SGPP1: variants seen among roughly 807,000 people sequenced by gnomAD.
The protein encoded by SGPP1 is hSPP1.
A neutral mutation model predicts 33.0 loss-of-function variants in SGPP1; 21 were observed. The observed-to-expected ratio is 0.64, with a 90% CI of 0.45 to 0.92. The LOEUF (loss-of-function observed/expected upper bound fraction) is 0.92, where lower values mean the gene tolerates loss of function less well. SGPP1 is among the 40% of genes least tolerant of loss of function. SGPP1 has a pLI of 0.00. For missense variants in SGPP1, 543 were observed against 589.4 expected, an observed-to-expected ratio of 0.92 and a Z score of 0.81; for synonymous variants, 239 against 241.2, an observed-to-expected ratio of 0.99 and a Z score of 0.08.
chr14:63,713,345 C>T (rs1885561076), intron 1 of SGPP1, among the ~76,000 whole-genome samples: 1 of 152,126 alleles, frequency 6.6e-6, no homozygotes, highest in African/African-American at 2.4e-5. Flanking sequence ...TCCAATTAGT[C>T]ACCATGTTTT....
At position 63,698,436 on chromosome 14, in the gene SGPP1, G is replaced by A. The variant is rs149391340; in HGVS notation, c.774+133C>T. The A allele has an allele frequency of 8.5e-5, 39 of 458,316 alleles. 1 individual carries two copies. Among genetic ancestry groups the A allele is most frequent in the East Asian group, 2.5e-4 (7 of 27,672 alleles). 28.4% of individuals were successfully genotyped at this position (458,316 alleles called of 1,614,324 possible). A position where few individuals can be genotyped will look rare whatever the true frequency, so the allele number is the denominator to read the frequency against. ...CATAAACCATCATGTTGATATTTTCGCAAAACAAAGTTAGACGACTTACAA... is the reference window on the plus strand; with the variant it reads ...CATAAACCATCATGTTGATATTTTCACAAAACAAAGTTAGACGACTTACAA... On this transcript the variant is annotated intron_variant, in intron 2 of 2. Coordinates refer to ENST00000247225, the MANE Select transcript of SGPP1 (RefSeq NM_030791.4).
At chr14:63,694,315 G>T (rs910411421) in intron 2 of SGPP1, among the ~76,000 whole-genome samples, 2 of 151,766 alleles carry the variant, frequency 1.3e-5, no homozygotes, top group Non-Finnish European at 2.9e-5. Flanking sequence ...TTCATTAAAT[G>T]TCTTTAAATT....
At chr14:63,726,016 T>C (rs1842462623) in intron 1 of SGPP1, among the ~76,000 whole-genome samples, 1 of 152,202 alleles carries the variant, frequency 6.6e-6, no homozygotes, top group Admixed American at 6.6e-5. Flanking sequence ...TATAGCTCCT[T>C]TGGTTAAACA....
Position 63,696,712 on chromosome 14 carries a change from G to A in SGPP1, c.774+1857C>T, listed in dbSNP as rs149740138. Among the ~76,000 whole-genome samples, 1,354 of 152,156 alleles carry A rather than the reference G, an allele frequency of 8.9e-3. 6 individuals carry two copies. The highest frequency in any genetic ancestry group is 0.016 in the African/African-American group (670 of 41,516). The stretch of plus-strand genomic sequence containing the variant: ...ATTAAAATAGTGTTTAGGGCTGGGC[G>A]CAGTGGCTCACATCTGTAATCCCAG... On this transcript the variant is annotated intron_variant, in intron 2 of 2. Coordinates refer to ENST00000247225, the MANE Select transcript of SGPP1 (RefSeq NM_030791.4).
chr14:63,714,696 C>T (rs1308015217), intron 1 of SGPP1, among the ~76,000 whole-genome samples: 1 of 151,912 alleles, frequency 6.6e-6, no homozygotes, highest in Non-Finnish European at 1.5e-5. Context: ...GCTGGGATTA[C>T]AGGCATGTGC....
chr14:63,717,451 A>C (rs1378694017), intron 1 of SGPP1, among the ~76,000 whole-genome samples: 1 of 151,914 alleles, frequency 6.6e-6, no homozygotes, highest in Non-Finnish European at 1.5e-5. Flanking sequence ...CCTCCCGAGT[A>C]GCTGGGACTA....
At chr14:63,722,594 A>ATAT (rs59984832) in intron 1 of SGPP1, among the ~76,000 whole-genome samples, 14,019 of 151,200 alleles carry the variant, frequency 0.093, 1,431 homozygotes, top group African/African-American at 0.26. Context: ...ATAAAATATA[A>ATAT]TTATTATAAT....
intron 1 of SGPP1, among the ~76,000 whole-genome samples, chr14:63,714,014 T>C (rs140527280): frequency 0.012 from 1,822 of 152,328 alleles, 20 homozygotes; most frequent in Non-Finnish European, 0.022. Context: ...CTTTGGGAGA[T>C]GGGACAGACT....
intron 2 of SGPP1, among the ~76,000 whole-genome samples, chr14:63,688,168 T>C (rs1253824524): frequency 6.6e-6 from 1 of 150,844 alleles, no homozygotes; most frequent in Non-Finnish European, 1.5e-5. Flanking sequence ...ATACAAAAAT[T>C]AGCCGGGCAT....
chr14:63,690,604 C>G (rs1470177025), intron 2 of SGPP1, among the ~76,000 whole-genome samples: 1 of 152,184 alleles, frequency 6.6e-6, no homozygotes, highest in Non-Finnish European at 1.5e-5. Context: ...ATAAACAAAT[C>G]CTTCACATGA....
intron 1 of SGPP1, among the ~76,000 whole-genome samples, 155 bp from the exon 2 acceptor site, chr14:63,698,813 T>C (rs1016776718): frequency 1.4e-4 from 21 of 152,238 alleles, no homozygotes; most frequent in African/African-American, 4.3e-4. Context: ...ACCCTGAGTA[T>C]GGCACATGGC....
chr14:63,690,888 T>C (rs1011558767), intron 2 of SGPP1, among the ~76,000 whole-genome samples: 2 of 152,118 alleles, frequency 1.3e-5, no homozygotes, highest in Non-Finnish European at 2.9e-5. Context: ...CTAATTTTTG[T>C]ATTTTTAGTA....
chr14:63,698,648 A>G lies in SGPP1; in HGVS notation c.695T>C (p.Ile232Thr). The G allele has an allele frequency of 1.3e-6, 2 of 1,581,874 alleles. No individual in the cohort carries two copies. Among genetic ancestry groups the G allele is most frequent in the Non-Finnish European group, 1.7e-6 (2 of 1,165,330 alleles). Residue 232 changes from isoleucine (I) to threonine (T), a missense_variant, in exon 2 of 3, where the codon ATA (isoleucine) becomes ACA (threonine). Ile to Thr is a moderately conservative substitution (Grantham distance 89). Coordinates refer to ENST00000247225, the MANE Select transcript of SGPP1 (RefSeq NM_030791.4). ...LTYGRWQYPL[I>T]YGLILIPCWC... ...GCAGGGAATAAGAATCAGTCCATAT[A>G]TAAGAGGGTACTAAAGGGGAAAAAA... is the stretch of plus-strand genomic sequence containing the variant.
At chr14:63,710,650 G>T (rs1885503628) in intron 1 of SGPP1, among the ~76,000 whole-genome samples, 1 of 152,058 alleles carries the variant, frequency 6.6e-6, no homozygotes, top group Non-Finnish European at 1.5e-5. Flanking sequence ...TTTTTCTACA[G>T]ACCAGCTTCT....
At chr14:63,719,248 G>A (rs189308948) in intron 1 of SGPP1, among the ~76,000 whole-genome samples, 50 of 150,124 alleles carry the variant, frequency 3.3e-4, no homozygotes, top group African/African-American at 9.3e-4. Flanking sequence ...CGGCTGATCC[G>A]CCCACCTCAG....
Position 63,694,339 on chromosome 14 carries a change from T to G in SGPP1, c.774+4230A>C, listed in dbSNP as rs150323331. Among the ~76,000 whole-genome samples the G allele has an allele frequency of 1.2e-3, 188 of 152,226 alleles. 2 individuals are homozygous for G. The highest frequency in any genetic ancestry group is 8.7e-3 in the East Asian group (45 of 5,194). ...TGTCTTTAAATTGTTATGTTTGATCTCTTTAACATTAAGAATTCTTTAAAA... is the reference window on the plus strand; with the variant it reads ...TGTCTTTAAATTGTTATGTTTGATCGCTTTAACATTAAGAATTCTTTAAAA... On this transcript the variant is annotated intron_variant, in intron 2 of 2. Coordinates refer to ENST00000247225, the MANE Select transcript of SGPP1 (RefSeq NM_030791.4).
Position 63,727,589 on chromosome 14 carries a change from T to G in SGPP1, c.356A>C (p.Gln119Pro), listed in dbSNP as rs750061311. 8 of 1,579,784 alleles carry G rather than the reference T, an allele frequency of 5.1e-6. No individual in the cohort carries two copies. The highest frequency in any genetic ancestry group is 6.9e-6 in the Non-Finnish European group (8 of 1,165,724). The part of the protein sequence containing the change: ...RRNSLTGEEG[Q>P]LARVSNWPLY... ...CGGCCAGTTGCTCACGCGGGCCAGCTGGCCCTCCTCGCCCGTCAGCGAGTT... is the reference window on the plus strand; with the variant it reads ...CGGCCAGTTGCTCACGCGGGCCAGCGGGCCCTCCTCGCCCGTCAGCGAGTT... Residue 119 changes from glutamine to proline, a missense_variant, in exon 1 of 3, where the codon CAG becomes CCG. By Grantham distance (76) the Gln-to-Pro change is moderately conservative. Coordinates refer to ENST00000247225, the MANE Select transcript of SGPP1 (RefSeq NM_030791.4).
Position 63,727,440 on chromosome 14 carries a change from G to A in SGPP1, c.505C>T (p.Leu169=). ...GTGCACTGGCCCAGGTACATGACCAGCACCCAGATGACCACGAGCCTCCGG... is the reference window on the plus strand; with the variant it reads ...GTGCACTGGCCCAGGTACATGACCAACACCCAGATGACCACGAGCCTCCGG... The part of the protein sequence containing the change: ...VGRRLVVIWV[L]VMYLGQCTKD... Residue 169 remains leucine, a synonymous_variant, in exon 1 of 3, where the codon CTG becomes TTG. Transcript: ENST00000247225. The A allele has an allele frequency of 6.2e-7, 1 of 1,614,090 alleles. No homozygotes were observed. The highest frequency in any genetic ancestry group is 8.5e-7 in the Non-Finnish European group (1 of 1,180,014).
At chr14:63,708,214 CT>C (rs1485228446) in intron 1 of SGPP1, among the ~76,000 whole-genome samples, 3 of 138,110 alleles carry the variant, frequency 2.2e-5, no homozygotes, top group Non-Finnish European at 4.7e-5. Flanking sequence ...CCCAATCTTT[CT>C]TTTTTTCTTG....
Sources: gnomAD v4.1 joint callset for allele counts (sites outside exome capture counted in the v4.1 genomes callset) on GRCh38, gnomAD v4.1.1 for gene constraint, MANE v1.5 for transcripts, NCBI Gene and HGNC (gene_info 2026-07-23, HGNC 2026-07-21) for gene names.